The following EDC4 variants were observed in gnomAD, a reference collection of about 807,000 sequenced individuals.
The protein encoded by EDC4 is enhancer of mRNA decapping 4, also known as enhancer of mRNA-decapping protein 4.
Under a neutral mutation model 155.8 loss-of-function variants are expected in EDC4, and 64 were observed. That is an observed-to-expected ratio of 0.41 (90% confidence interval 0.34 to 0.51). EDC4 has a LOEUF of 0.51. EDC4 is among the 20% of genes least tolerant of loss of function. The pLI is 0.19. For missense variants in EDC4, 1,303 were observed against 1,812.5 expected (o/e 0.72, Z 5.10); for synonymous variants, 684 against 716.8 (o/e 0.95, Z 0.73).
intron 1 of EDC4, 174 bp from the exon 2 acceptor site, chr16:67,875,771 C>T: frequency 7.0e-7 from 1 of 1,433,130 alleles, no homozygotes; most frequent in African/African-American, 1.4e-5. Flanking sequence ...TTGGTCCTGC[C>T]TACATCAGTG....
chr16:67,877,499 C>T lies in EDC4; in HGVS notation c.642-10C>T. ...TCATTCATCTATCTAGCCCTTAACA[C>T]CCTGCTCAGAGAAGAGATCTTGGTC... On this transcript the variant is annotated splice_polypyrimidine_tract_variant and intron_variant, in intron 5 of 28. Coordinates refer to ENST00000358933, the MANE Select transcript of EDC4 (RefSeq NM_014329.5). The surrounding 1 kb of genome is among the most constrained non-coding windows in gnomAD (Gnocchi z 4.9). 1.2e-6 allele frequency: 2 copies of T among 1,614,052 alleles called. No individual in the cohort carries two copies. Among genetic ancestry groups the T allele is most frequent in the East Asian group, 4.5e-5 (2 of 44,868 alleles).
chr16:67,880,639 C>T lies in EDC4; in HGVS notation c.2180C>T (p.Thr727Ile). Residue 727 changes from threonine (T) to isoleucine (I), a missense_variant, in exon 18 of 29, where the codon ACT (threonine) becomes ATT (isoleucine). Thr to Ile is a moderately conservative substitution (Grantham distance 89, BLOSUM62 -1). Coordinates refer to ENST00000358933, the MANE Select transcript of EDC4 (RefSeq NM_014329.5). The surrounding 1 kb of genome is among the most constrained non-coding windows in gnomAD (Gnocchi z 5.2). ...CTACCCCAAGCCTCCCCTAGCCGCA[C>T]TCGTTCCCCTGATGTCATCTCCTCA... ...LGLPQASPSR[T>I]RSPDVISSAS... is the part of the protein sequence containing the mutation. The T allele has an allele frequency of 6.2e-7, 1 of 1,614,210 alleles. No individual in the cohort carries two copies. Among genetic ancestry groups the T allele is most frequent in the South Asian group, 1.1e-5 (1 of 91,088 alleles).
chr16:67,875,608 A>G (rs2058038258), intron 1 of EDC4: 1 of 437,030 alleles, frequency 2.3e-6, no homozygotes, highest in South Asian at 8.4e-5. Context: ...TGGTCACACT[A>G]ACTGCTGTAT....
In EDC4 at chr16:67,877,356, G is replaced by A. The variant is rs1322328536; in HGVS notation, c.591G>A (p.Glu197=). ...LNSPQLACLD[E]AGNLFVWRLA... ...CTCCACAGCTGGCCTGCCTGGATGAGGCAGGCAACCTGTTCGTGTGGCGCT... is the reference window on the plus strand; with the variant it reads ...CTCCACAGCTGGCCTGCCTGGATGAAGCAGGCAACCTGTTCGTGTGGCGCT... Residue 197 remains glutamate (E), a synonymous_variant, in exon 5 of 29, where the codon GAG becomes GAA. Coordinates refer to ENST00000358933, the MANE Select transcript of EDC4 (RefSeq NM_014329.5). This position sits in a 1 kb window ranked among gnomAD's most constrained non-coding sequence, Gnocchi z 4.9. 5.0e-6 allele frequency: 8 copies of A among 1,614,008 alleles called. No homozygotes were observed. The highest frequency in any genetic ancestry group is 6.8e-6 in the Non-Finnish European group (8 of 1,180,028).
rs1248274981 is a variant in EDC4, at chr16:67,876,711, C to A, written c.351+112C>A. 1 of 1,553,942 alleles carries A rather than the reference C, an allele frequency of 6.4e-7. No individual in the cohort carries two copies. The highest frequency in any genetic ancestry group is 2.3e-5 in the East Asian group (1 of 44,044). The stretch of plus-strand genomic sequence containing the variant: ...GACCACCTTGACACTTTCCCAGTTT[C>A]AGGAAGCCAGGGCTGGGTGCCAAGC... On this transcript the variant is annotated intron_variant, in intron 3 of 28. Coordinates refer to ENST00000358933, the MANE Select transcript of EDC4 (RefSeq NM_014329.5). The surrounding 1 kb of genome is among the most constrained non-coding windows in gnomAD (Gnocchi z 5.8).
chr16:67,877,350 G>C lies in EDC4; in HGVS notation c.585G>C (p.Leu195=). 6 of 1,614,056 alleles carry C rather than the reference G, an allele frequency of 3.7e-6. No homozygotes were observed. Among genetic ancestry groups the C allele is most frequent in the Non-Finnish European group, 5.1e-6 (6 of 1,180,024 alleles). ...AHLNSPQLAC[L]DEAGNLFVWR... is the part of the protein sequence containing the mutation. ...TCAACTCTCCACAGCTGGCCTGCCT[G>C]GATGAGGCAGGCAACCTGTTCGTGT... The change falls in exon 5 of 29, where the codon CTG becomes CTC. Residue 195 remains leucine, a synonymous_variant. Transcript: ENST00000358933. This position sits in a 1 kb window ranked among gnomAD's most constrained non-coding sequence, Gnocchi z 4.9.
At position 67,879,643 on chromosome 16, in the gene EDC4, G is replaced by A. The variant is rs756040055; in HGVS notation, c.1690G>A (p.Gly564Ser). ...GSEGLGSAAH[G>S]SQPDLRRIVE... The stretch of plus-strand genomic sequence containing the variant: ...TGAGGGCCTGGGGTCAGCCGCTCAC[G>A]GCTCCCAGCCTGACCTCCGACGAAT... Residue 564 changes from glycine (G) to serine (S), a missense_variant, in exon 15 of 29, where the codon GGC becomes AGC. Gly to Ser is a moderately conservative substitution (Grantham distance 56, BLOSUM62 0). Around this residue, in one of 5 missense-constraint regions of EDC4, gnomAD observed 391 missense variants for 445.4 expected, o/e 0.88. Coordinates refer to ENST00000358933, the MANE Select transcript of EDC4 (RefSeq NM_014329.5). This position sits in a 1 kb window ranked among gnomAD's most constrained non-coding sequence, Gnocchi z 6.0. 6.2e-7 allele frequency: 1 copy of A among 1,614,156 alleles called. No homozygotes were observed. Among genetic ancestry groups the A allele is most frequent in the Non-Finnish European group, 8.5e-7 (1 of 1,180,024 alleles).
rs1232081197 is a variant in EDC4 at position 67,873,286 on chromosome 16, A to G, written c.25A>G (p.Ile9Val). The part of the protein sequence containing the change: MASCASID[I>V]EDATQHLRDI... Reference sequence around the variant, plus strand: ...CATGGCCTCCTGCGCGAGCATCGACATCGAGGACGCCACGCAGCACCTGCG... The same window carrying G: ...CATGGCCTCCTGCGCGAGCATCGACGTCGAGGACGCCACGCAGCACCTGCG... Residue 9 changes from isoleucine to valine, a missense_variant, in exon 1 of 29, where the codon ATC becomes GTC. Physicochemically the swap from Ile to Val is conservative, Grantham distance 29 (BLOSUM62 3). Coordinates refer to ENST00000358933, the MANE Select transcript of EDC4 (RefSeq NM_014329.5). 10 of 1,475,868 alleles carry G rather than the reference A, an allele frequency of 6.8e-6. No homozygotes were observed. Among genetic ancestry groups the G allele is most frequent in the Admixed American group, 4.9e-5 (2 of 40,598 alleles). 91.4% of individuals were successfully genotyped at this position (1,475,868 alleles called of 1,614,324 possible). A position where few individuals can be genotyped will look rare whatever the true frequency, so the allele number is the denominator to read the frequency against.
chr16:67,881,594 T>C lies in EDC4; in HGVS notation c.2826+61T>C. ...TCACCCTGGGCGGGTGGAGAAGGGC[T>C]CTGGGCCATTCCCTGGTCTGGTGTG... On this transcript the variant is annotated intron_variant, in intron 21 of 28. Coordinates refer to ENST00000358933, the MANE Select transcript of EDC4 (RefSeq NM_014329.5). This position sits in a 1 kb window ranked among gnomAD's most constrained non-coding sequence, Gnocchi z 5.4. 1.2e-6 allele frequency: 2 copies of C among 1,612,880 alleles called. No homozygotes were observed. The highest frequency in any genetic ancestry group is 1.7e-6 in the Non-Finnish European group (2 of 1,179,398).
chr16:67,873,507 TG>T (rs1224053463), intron 1 of EDC4, 164 bp downstream of exon 1: 4 of 516,600 alleles, frequency 7.7e-6, no homozygotes, highest in Non-Finnish European at 1.3e-5. Context: ...CGCAGACCCC[TG>T]GGTGTGACCC....
At position 67,878,615 on chromosome 16, in the gene EDC4, T is replaced by C; in HGVS notation, c.1168T>C (p.Cys390Arg). 1 of 1,614,196 alleles carries C rather than the reference T, an allele frequency of 6.2e-7. No individual in the cohort carries two copies. The highest frequency in any genetic ancestry group is 1.1e-5 in the South Asian group (1 of 91,074). The change falls in exon 10 of 29, where the codon TGC becomes CGC. Residue 390 changes from cysteine (C) to arginine (R), a missense_variant. Around this residue, in one of 5 missense-constraint regions of EDC4, gnomAD observed 235 missense variants for 367.7 expected, o/e 0.64. Coordinates refer to ENST00000358933, the MANE Select transcript of EDC4 (RefSeq NM_014329.5). The surrounding 1 kb of genome is among the most constrained non-coding windows in gnomAD (Gnocchi z 5.2). ...GATGTGGTGTACAGTATCCTGGACCTGCCTGCAGACTATTCGGTAAGCAGT... is the reference window on the plus strand; with the variant it reads ...GATGTGGTGTACAGTATCCTGGACCCGCCTGCAGACTATTCGGTAAGCAGT... ...LKMWCTVSWT[C>R]LQTIRFSPDI...
Position 67,882,193 on chromosome 16 carries a change from C to G in EDC4, c.3161-19C>G. The G allele has an allele frequency of 6.2e-7, 1 of 1,613,516 alleles. No individual in the cohort carries two copies. Among genetic ancestry groups the G allele is most frequent in the Non-Finnish European group, 8.5e-7 (1 of 1,179,744 alleles). On this transcript the variant is annotated intron_variant, in intron 23 of 28. Transcript: ENST00000358933. The surrounding 1 kb of genome is among the most constrained non-coding windows in gnomAD (Gnocchi z 7.2). ...AGCTTCTTCTCATGGCTCCACCTCA[C>G]CCTCTTCCCCTCTCCCAGGTGTCTC...
Position 67,877,364 on chromosome 16 carries a change from A to T in EDC4, c.599A>T (p.Asn200Ile), listed in dbSNP as rs2058046032. The T allele has an allele frequency of 1.2e-6, 2 of 1,613,972 alleles. No homozygotes were observed. Among genetic ancestry groups the T allele is most frequent in the Non-Finnish European group, 1.7e-6 (2 of 1,180,008 alleles). ...PQLACLDEAG[N>I]LFVWRLALVN... ...CTGGCCTGCCTGGATGAGGCAGGCAACCTGTTCGTGTGGCGCTTGGCTCTG... is the reference window on the plus strand; with the variant it reads ...CTGGCCTGCCTGGATGAGGCAGGCATCCTGTTCGTGTGGCGCTTGGCTCTG... Residue 200 changes from asparagine (N) to isoleucine (I), a missense_variant, in exon 5 of 29, where the codon AAC becomes ATC. Transcript: ENST00000358933. The surrounding 1 kb of genome is among the most constrained non-coding windows in gnomAD (Gnocchi z 4.9).
Position 67,880,362 on chromosome 16 carries a change from G to C in EDC4, c.2097+146G>C. 1.4e-6 allele frequency: 2 copies of C among 1,380,080 alleles called. No homozygotes were observed. The highest frequency in any genetic ancestry group is 2.3e-5 in the East Asian group (1 of 42,564). 85.5% of individuals were successfully genotyped at this position (1,380,080 alleles called of 1,614,324 possible). ...TTCCCTGAGGTCATTTCACCCTCCTGTGTTTCCTGGTGGGTGTCTCCTCAG... is the reference window on the plus strand; with the variant it reads ...TTCCCTGAGGTCATTTCACCCTCCTCTGTTTCCTGGTGGGTGTCTCCTCAG... On this transcript the variant is annotated intron_variant, in intron 17 of 28. Transcript: ENST00000358933. This position sits in a 1 kb window ranked among gnomAD's most constrained non-coding sequence, Gnocchi z 5.2.
In EDC4 at chr16:67,878,897, C is replaced by T. The variant is rs2058052803; in HGVS notation, c.1287+58C>T. 6.2e-7 allele frequency: 1 copy of T among 1,610,900 alleles called. No homozygotes were observed. Among genetic ancestry groups the T allele is most frequent in the African/African-American group, 1.3e-5 (1 of 75,032 alleles). On this transcript the variant is annotated intron_variant, in intron 11 of 28. Transcript: ENST00000358933. This position sits in a 1 kb window ranked among gnomAD's most constrained non-coding sequence, Gnocchi z 5.2. Reference sequence around the variant, plus strand: ...GGGATTATAGAGGAAGGCCGGGGGGCAGGTGGCGCATCACAGCCCTTAGCC... The same window carrying T: ...GGGATTATAGAGGAAGGCCGGGGGGTAGGTGGCGCATCACAGCCCTTAGCC...
At position 67,877,782 on chromosome 16, in the gene EDC4, T is replaced by C; in HGVS notation, c.831T>C (p.Ser277=). The C allele has an allele frequency of 1.2e-6, 2 of 1,614,176 alleles. No individual in the cohort carries two copies. The highest frequency in any genetic ancestry group is 2.2e-5 in the East Asian group (1 of 44,880). The change falls in exon 7 of 29, where the codon AGT becomes AGC. Residue 277 remains serine (S), a synonymous_variant. Coordinates refer to ENST00000358933, the MANE Select transcript of EDC4 (RefSeq NM_014329.5). This position sits in a 1 kb window ranked among gnomAD's most constrained non-coding sequence, Gnocchi z 4.9. Reference sequence around the variant, plus strand: ...TGGACATGCTCCGCTCCAGCCACAGTACCTGGCCTGTGGATGTTAGCCAGA... The same window carrying C: ...TGGACATGCTCCGCTCCAGCCACAGCACCTGGCCTGTGGATGTTAGCCAGA... The part of the protein sequence containing the change: ...WDLDMLRSSH[S]TWPVDVSQIK...
chr16:67,884,246 C>G lies in EDC4; in HGVS notation c.*98C>G, dbSNP rs2058083734. 1 of 1,179,018 alleles carries G rather than the reference C, an allele frequency of 8.5e-7. No individual in the cohort carries two copies. Among genetic ancestry groups the G allele is most frequent in the South Asian group, 1.5e-5 (1 of 65,438 alleles). 73.0% of individuals were successfully genotyped at this position (1,179,018 alleles called of 1,614,324 possible). The stretch of plus-strand genomic sequence containing the variant: ...CACGGCTGGCCTTTACCTGCTCAGG[C>G]CCCCATCTCTGGGGTGTTTGGGGGT... On this transcript the variant is annotated 3_prime_UTR_variant, in exon 29 of 29. Transcript: ENST00000358933. The surrounding 1 kb of genome is among the most constrained non-coding windows in gnomAD (Gnocchi z 4.1).
Position 67,877,431 on chromosome 16 carries a change from TG to T in EDC4, c.641+28del, listed in dbSNP as rs2058046396. On this transcript the variant is annotated intron_variant, in intron 5 of 28. Transcript: ENST00000358933. The surrounding 1 kb of genome is among the most constrained non-coding windows in gnomAD (Gnocchi z 4.9). ...AGTATCCATTCCTTCCTGTGGGTGGTGGGACTGAAGAAGGGTGGGCGGAGCT... is the reference window on the plus strand; with the variant it reads ...AGTATCCATTCCTTCCTGTGGGTGGTGGACTGAAGAAGGGTGGGCGGAGCT... The T allele has an allele frequency of 3.1e-6, 5 of 1,611,094 alleles. No individual in the cohort carries two copies. The Middle Eastern group carries it at 5.0e-4, about 160-fold the overall frequency.
chr16:67,873,757 C>T (rs933072486), intron 1 of EDC4, among the ~76,000 whole-genome samples: 2 of 152,170 alleles, frequency 1.3e-5, no homozygotes, highest in African/African-American at 2.4e-5. Context: ...CGGTCCCCCT[C>T]CATAACTTGC....
Sources: allele counts gnomAD v4.1 joint callset (sites outside exome capture counted in the v4.1 genomes callset), GRCh38; gene constraint gnomAD v4.1.1; regional missense constraint gnomAD v4.1.1; non-coding constraint Gnocchi (gnomAD v3.1); transcripts MANE v1.5; gene names NCBI Gene and HGNC (gene_info 2026-07-23, HGNC 2026-07-21).